Variants in PDZD2 observed in about 807,000 individuals in gnomAD.
The protein encoded by PDZD2 is PDZ domain containing 2, also known as PDZ domain-containing protein 2.
In PDZD2, 90 loss-of-function variants were observed where a neutral mutation model predicts 220.7. That is an observed-to-expected ratio of 0.41 (90% CI 0.34 to 0.49). The LOEUF (loss-of-function observed/expected upper bound fraction) is 0.49. PDZD2 is among the 20% of genes least tolerant of loss of function. The probability of loss-of-function intolerance (pLI) is 0.28; values close to 1 mark genes in which losing one functional copy is unlikely to be tolerated. For missense variants in PDZD2, 3,174 were observed against 3,608.5 expected (o/e 0.88, Z 3.08); for synonymous variants, 1,375 against 1,450.5 (o/e 0.95, Z 1.18).
Position 31,849,873 on chromosome 5 carries a change from T to C in PDZD2, c.476+50149T>C, listed in dbSNP as rs193068234. ...TCTCTCTCTCTCATATATATATACA[T>C]ATATATATATATATACACATATATA... On this transcript the variant is annotated intron_variant, in intron 2 of 24. Transcript: ENST00000438447. Among the ~76,000 whole-genome samples the C allele has an allele frequency of 3.6e-3, 185 of 50,710 alleles. 11 individuals carry two copies. The East Asian group carries it at 0.051, about 14-fold the overall frequency. 33.3% of individuals were successfully genotyped at this position (50,710 alleles called of 152,430 possible).
At chr5:31,642,280 G>A (rs1580505307) in intron 1 of PDZD2, among the ~76,000 whole-genome samples, 1 of 152,142 alleles carries the variant, frequency 6.6e-6, no homozygotes, top group African/African-American at 2.4e-5. Context: ...ACACATCCCC[G>A]CAGCACCAGG....
At chr5:31,864,661 A>G (rs1738027185) in intron 2 of PDZD2, among the ~76,000 whole-genome samples, 1 of 151,814 alleles carries the variant, frequency 6.6e-6, no homozygotes, top group Non-Finnish European at 1.5e-5. Flanking sequence ...CTGGGATTAC[A>G]GGCATGAACC....
chr5:31,799,000 A>G lies in PDZD2; in HGVS notation c.-249A>G. 1 of 488,682 alleles carries G rather than the reference A, an allele frequency of 2.0e-6. No individual in the cohort carries two copies. The highest frequency in any genetic ancestry group is 3.6e-6 in the Non-Finnish European group (1 of 275,616). The allele number at this position is 488,682 out of a possible 1,614,324, so 30.3% of individuals were successfully genotyped here. On this transcript the variant is annotated 5_prime_UTR_variant, in exon 2 of 25. Transcript: ENST00000438447. ...TGAACCTGGCAGGGACTTGTTAGACACTTCCTTCCTTCCCTCATTGAGCAC... is the reference window on the plus strand; with the variant it reads ...TGAACCTGGCAGGGACTTGTTAGACGCTTCCTTCCTTCCCTCATTGAGCAC...
At chr5:31,745,372 T>G (rs1366787620) in intron 1 of PDZD2, among the ~76,000 whole-genome samples, 1 of 152,176 alleles carries the variant, frequency 6.6e-6, no homozygotes, top group Non-Finnish European at 1.5e-5. Flanking sequence ...TTGTACATTG[T>G]TTTATCCCCA....
At position 32,000,479 on chromosome 5, in the gene PDZD2, G is replaced by GTTTGTTTTTGTT. The variant is rs140415640; in HGVS notation, c.1254+242_1254+253dup. On this transcript the variant is annotated intron_variant, in intron 5 of 24. Coordinates refer to ENST00000438447, the MANE Select transcript of PDZD2 (RefSeq NM_178140.4). The surrounding 1 kb of genome is among the most constrained non-coding windows in gnomAD (Gnocchi z 4.5). ...TTAGTTACTTGGCTTTCCTTAAGAA[G>GTTTGTTTTTGTT]TTTGTTTTTGTTTTTGTTTTTGTTT... Among the ~76,000 whole-genome samples the GTTTGTTTTTGTT allele has an allele frequency of 4.3e-4, 65 of 150,364 alleles. 1 individual carries two copies. Among genetic ancestry groups the GTTTGTTTTTGTT allele is most frequent in the African/African-American group, 1.4e-3 (56 of 40,756 alleles).
intron 1 of PDZD2, among the ~76,000 whole-genome samples, chr5:31,690,287 T>C (rs754591791): frequency 2.6e-5 from 4 of 152,026 alleles, no homozygotes; most frequent in South Asian, 4.1e-4. Flanking sequence ...AAACAACTTG[T>C]GGAGTTGTTG....
intron 2 of PDZD2, among the ~76,000 whole-genome samples, chr5:31,955,217 T>G (rs1006547566): frequency 6.6e-6 from 1 of 152,144 alleles, no homozygotes; most frequent in Non-Finnish European, 1.5e-5. Context: ...GATTCACATG[T>G]GACCCTCTAG....
In PDZD2 at chr5:31,849,995, C is replaced by A. The variant is rs202167867; in HGVS notation, c.476+50271C>A. On this transcript the variant is annotated intron_variant, in intron 2 of 24. Transcript: ENST00000438447. ...ATATATATACATATATATATATACA[C>A]ATATATATATATACACACACACGTA... Among the ~76,000 whole-genome samples the A allele has an allele frequency of 1.3e-4, 2 of 15,512 alleles. 1 individual carries two copies. Among genetic ancestry groups the A allele is most frequent in the Non-Finnish European group, 2.2e-4 (2 of 8,958 alleles). 10.2% of individuals were successfully genotyped at this position (15,512 alleles called of 152,430 possible).
intron 1 of PDZD2, among the ~76,000 whole-genome samples, chr5:31,651,617 A>G (rs1745350865): frequency 6.6e-6 from 1 of 151,672 alleles, no homozygotes; most frequent in Admixed American, 6.6e-5. Flanking sequence ...GGATAGTTGG[A>G]CTTGCTTTAT....
intron 1 of PDZD2, among the ~76,000 whole-genome samples, chr5:31,643,319 C>T (rs545334617): frequency 6.6e-6 from 1 of 152,350 alleles, no homozygotes; most frequent in South Asian, 2.1e-4. Flanking sequence ...TCCCTGTTTG[C>T]ACCTTGACAA....
intron 3 of PDZD2, among the ~76,000 whole-genome samples, chr5:31,984,110 G>C (rs1750524464): frequency 6.6e-6 from 1 of 152,186 alleles, no homozygotes; most frequent in Non-Finnish European, 1.5e-5. Flanking sequence ...CACAGGAAGG[G>C]TATTCAATAC....
At position 31,901,525 on chromosome 5, in the gene PDZD2, A is replaced by G. The variant is rs191757796; in HGVS notation, c.477-81630A>G. ...GAATACTTCCCCTCAAACAATTTTC[A>G]GTACCTTTGTGAGGGGACATACACT... is the stretch of plus-strand genomic sequence containing the variant. On this transcript the variant is annotated intron_variant, in intron 2 of 24. Transcript: ENST00000438447. Among the ~76,000 whole-genome samples the G allele has an allele frequency of 4.6e-5, 7 of 152,276 alleles. No individual in the cohort carries two copies. The East Asian group carries it at 1.3e-3, about 29-fold the overall frequency.
In PDZD2 at chr5:31,721,596, G is replaced by A. The variant is rs143598397; in HGVS notation, c.-360-77293G>A. Among the ~76,000 whole-genome samples the A allele has an allele frequency of 8.8e-4, 130 of 147,970 alleles. 1 individual carries two copies. The highest frequency in any genetic ancestry group is 3.0e-3 in the African/African-American group (120 of 39,890). ...AAGGATAAAGTGAAACGTACAAGTC[G>A]CTCCATAACTAGCATGTATATATTT... On this transcript the variant is annotated intron_variant, in intron 1 of 24. Transcript: ENST00000438447.
At chr5:32,057,804 GT>G (rs796793641) in intron 11 of PDZD2, 73 bp from the exon 12 acceptor site, 58,903 of 906,978 alleles carry the variant, frequency 0.065, no homozygotes, top group South Asian at 0.087. Flanking sequence ...TTGGTGAGTT[GT>G]TTTTTTTTTT....
chr5:31,825,014 T>C (rs1756128559), intron 2 of PDZD2, among the ~76,000 whole-genome samples: 1 of 152,150 alleles, frequency 6.6e-6, no homozygotes, highest in Admixed American at 6.5e-5. Context: ...GTGCTAAATT[T>C]GTTTAGTATC....
intron 6 of PDZD2, among the ~76,000 whole-genome samples, chr5:32,034,818 C>G (rs527427564): frequency 8.5e-4 from 130 of 152,248 alleles, no homozygotes; most frequent in African/African-American, 3.1e-3. Flanking sequence ...TGGCCCAGAG[C>G]TCAGGATGTC....
At chr5:31,709,192 A>C (rs1747972324) in intron 1 of PDZD2, among the ~76,000 whole-genome samples, 1 of 152,158 alleles carries the variant, frequency 6.6e-6, no homozygotes. Context: ...GGCCTTCAGC[A>C]GTTATTTTTA....
At position 32,087,703 on chromosome 5, in the gene PDZD2, A is replaced by T. The variant is rs746925194; in HGVS notation, c.4255A>T (p.Ser1419Cys). ...CTCGGGGCACTGCTGCCCAGGGGGG[A>T]GTAGAGAGAGCCCTGTGACGGACAT... ...HVSGHCCPGG[S>C]RESPVTDIDS... is the part of the protein sequence containing the mutation. Residue 1419 changes from serine (S) to cysteine (C), a missense_variant, in exon 20 of 25, where the codon AGT (serine) becomes TGT (cysteine). Physicochemically the swap from Ser to Cys is moderately radical, Grantham distance 112. Around this residue, in one of 4 missense-constraint regions of PDZD2, gnomAD observed 1,861 missense variants for 2,001.0 expected, o/e 0.93. Coordinates refer to ENST00000438447, the MANE Select transcript of PDZD2 (RefSeq NM_178140.4). This position sits in a 1 kb window ranked among gnomAD's most constrained non-coding sequence, Gnocchi z 4.0. The T allele has an allele frequency of 1.1e-5, 18 of 1,613,532 alleles. No homozygotes were observed. Among genetic ancestry groups the T allele is most frequent in the Non-Finnish European group, 1.7e-6 (2 of 1,179,792 alleles).
At chr5:32,065,798 G>C (rs1046563651) in intron 14 of PDZD2, among the ~76,000 whole-genome samples, 3 of 152,342 alleles carry the variant, frequency 2.0e-5, no homozygotes, top group Non-Finnish European at 4.4e-5. Flanking sequence ...GCCAAGGCGG[G>C]TGGATCGCCT....
Sources: allele counts gnomAD v4.1 joint callset (sites outside exome capture counted in the v4.1 genomes callset), GRCh38; gene constraint gnomAD v4.1.1; regional missense constraint gnomAD v4.1.1; non-coding constraint Gnocchi (gnomAD v3.1); transcripts MANE v1.5; gene names NCBI Gene and HGNC (gene_info 2026-07-23, HGNC 2026-07-21).